FGGY: variants seen among roughly 807,000 people sequenced by gnomAD.
FGGY encodes the protein FGGY carbohydrate kinase domain containing.
In FGGY, 72 loss-of-function variants were observed where a neutral mutation model predicts 71.3. That is an observed-to-expected ratio of 1.01 (90% confidence interval 0.84 to 1.23). FGGY has a LOEUF of 1.23. Among genes scored for constraint, FGGY ranks in the 50% most tolerant of loss-of-function variants. The pLI is 0.00. For synonymous variants in FGGY, 251 were observed against 250.3 expected (o/e 1.00, Z -0.02); for missense variants, 668 against 682.3 (o/e 0.98, Z 0.23).
At chr1:59,403,149 C>T (rs1025591954) in intron 5 of FGGY, among the ~76,000 whole-genome samples, 4 of 152,164 alleles carry the variant, frequency 2.6e-5, no homozygotes, top group Admixed American at 2.0e-4. Flanking sequence ...TATGAGTTAC[C>T]AGTGTGCTGG....
intron 8 of FGGY, among the ~76,000 whole-genome samples, chr1:59,574,506 C>T (rs986190385): frequency 3.3e-5 from 5 of 151,734 alleles, no homozygotes; most frequent in Admixed American, 2.0e-4. Flanking sequence ...GGGATTTGAA[C>T]ATGGTGATCT....
chr1:59,490,227 AT>A (rs1005759364), intron 6 of FGGY, among the ~76,000 whole-genome samples: 6 of 151,896 alleles, frequency 4.0e-5, no homozygotes, highest in African/African-American at 9.7e-5. Context: ...ATTAAAAAAA[AT>A]TTTTTTGGAC....
chr1:59,451,383 T>TG (rs1041011048), intron 5 of FGGY, among the ~76,000 whole-genome samples: 3 of 151,636 alleles, frequency 2.0e-5, no homozygotes, highest in African/African-American at 7.3e-5. Context: ...GTTGTTTGTT[T>TG]TTTTTTTGTA....
chr1:59,749,756 C>G (rs911317605), intron 14 of FGGY, among the ~76,000 whole-genome samples: 24 of 152,288 alleles, frequency 1.6e-4, no homozygotes, highest in African/African-American at 5.5e-4. Flanking sequence ...AAATAACTCA[C>G]GTGCTTCTCA....
chr1:59,731,379 T>A (rs533912161), intron 14 of FGGY, among the ~76,000 whole-genome samples: 1 of 152,222 alleles, frequency 6.6e-6, no homozygotes, highest in African/African-American at 2.4e-5. Context: ...AGTGTCCAGA[T>A]GTGCGTGGAA....
chr1:59,749,030 C>T (rs998216709), intron 14 of FGGY, among the ~76,000 whole-genome samples: 3 of 152,132 alleles, frequency 2.0e-5, no homozygotes, highest in African/African-American at 7.2e-5. Context: ...TTCATAAAAA[C>T]CCCTAAATGA....
chr1:59,665,528 T>C (rs1438184010), intron 12 of FGGY, among the ~76,000 whole-genome samples: 1 of 152,108 alleles, frequency 6.6e-6, no homozygotes, highest in Admixed American at 6.5e-5. Flanking sequence ...CAGATCACCC[T>C]CTGACCACTC....
intron 12 of FGGY, 30 bp from the exon 13 acceptor site, chr1:59,667,253 C>G: frequency 6.2e-7 from 1 of 1,613,546 alleles, no homozygotes; most frequent in Non-Finnish European, 8.5e-7. Context: ...TGTGACTATA[C>G]TGATGCTATC....
At chr1:59,659,927 TA>T (rs1238349495) in intron 11 of FGGY, among the ~76,000 whole-genome samples, 2 of 152,106 alleles carry the variant, frequency 1.3e-5, no homozygotes, top group African/African-American at 4.8e-5. Flanking sequence ...TGTTTTAAAA[TA>T]AAAAGTATTT....
chr1:59,503,366 T>C (rs977110357), intron 6 of FGGY, among the ~76,000 whole-genome samples: 13 of 151,994 alleles, frequency 8.6e-5, no homozygotes, highest in African/African-American at 3.1e-4. Context: ...AAATACAAAT[T>C]ATGTACAGCA....
At chr1:59,754,798 C>G (rs1279206623) in intron 14 of FGGY, 1 of 152,314 alleles carries the variant, frequency 6.6e-6, no homozygotes, top group Non-Finnish European at 1.5e-5. Context: ...CCTGGCAGCT[C>G]TCTCATACAT....
chr1:59,760,296 A>T (rs182143269), intron 15 of FGGY, among the ~76,000 whole-genome samples: 1 of 152,274 alleles, frequency 6.6e-6, no homozygotes, highest in Admixed American at 6.5e-5. Flanking sequence ...GAAAACAACA[A>T]ATGTTGGCAA....
intron 2 of FGGY, among the ~76,000 whole-genome samples, chr1:59,324,827 A>T (rs1389033111): frequency 6.6e-6 from 1 of 152,196 alleles, no homozygotes; most frequent in Non-Finnish European, 1.5e-5. Flanking sequence ...ATGGGGCATC[A>T]TGAGGTTACC....
chr1:59,485,936 T>C (rs1471271634), intron 6 of FGGY, among the ~76,000 whole-genome samples: 5 of 152,168 alleles, frequency 3.3e-5, no homozygotes, highest in Admixed American at 1.3e-4. Context: ...TGTGATGAAG[T>C]GACTTGACAA....
intron 7 of FGGY, among the ~76,000 whole-genome samples, chr1:59,516,310 G>C (rs973974759): frequency 1.3e-5 from 2 of 152,182 alleles, no homozygotes; most frequent in Admixed American, 1.3e-4. Context: ...TTGAGTGAAT[G>C]CAACCTGTCA....
chr1:59,474,761 A>C (rs913489392), intron 6 of FGGY, among the ~76,000 whole-genome samples: 1 of 152,208 alleles, frequency 6.6e-6, no homozygotes, highest in African/African-American at 2.4e-5. Flanking sequence ...AACGAGAATA[A>C]ATAAGTAATA....
intron 6 of FGGY, among the ~76,000 whole-genome samples, chr1:59,499,834 A>T (rs2094169400): frequency 6.6e-6 from 1 of 152,216 alleles, no homozygotes; most frequent in South Asian, 2.1e-4. Flanking sequence ...ATTAAAGTAC[A>T]AGTGAGTCAT....
intron 8 of FGGY, among the ~76,000 whole-genome samples, chr1:59,591,692 G>T (rs536167459): frequency 6.6e-6 from 1 of 152,126 alleles, no homozygotes; most frequent in African/African-American, 2.4e-5. Context: ...ATGGGGAAAG[G>T]ATTCCCTATT....
intron 10 of FGGY, among the ~76,000 whole-genome samples, chr1:59,630,973 T>C (rs576099718): frequency 6.6e-6 from 1 of 152,350 alleles, no homozygotes. Flanking sequence ...CCACTGCAGT[T>C]TGAATTCTGT....
Sources: gnomAD v4.1 joint callset for allele counts (sites outside exome capture counted in the v4.1 genomes callset) on GRCh38, gnomAD v4.1.1 for gene constraint, MANE v1.5 for transcripts, NCBI Gene and HGNC (gene_info 2026-07-23, HGNC 2026-07-21) for gene names.